The following THEM4 variants were observed in gnomAD, a reference collection of about 807,000 sequenced individuals.
The protein encoded by THEM4 is thioesterase superfamily member 4, also known as acyl-coenzyme A thioesterase THEM4.
Under a neutral mutation model 25.0 loss-of-function variants are expected in THEM4, and 22 were observed. That is an observed-to-expected ratio of 0.88 (90% CI 0.63 to 1.26). The LOEUF is 1.26. THEM4 is among the 50% of genes most tolerant of loss of function. The pLI is 0.00. For missense variants in THEM4, 286 were observed against 300.3 expected, an observed-to-expected ratio of 0.95 and a Z score of 0.35; for synonymous variants, 113 against 105.6, an observed-to-expected ratio of 1.07 and a Z score of -0.43.
At chr1:151,883,036 C>CTTA (rs1653880271) in intron 4 of THEM4, among the ~76,000 whole-genome samples, 3 of 126,654 alleles carry the variant, frequency 2.4e-5, no homozygotes, top group Admixed American at 9.2e-5. Context: ...CAAGGCACGT[C>CTTA]TTACATGGTG....
At chr1:151,885,970 TTAATA>T (rs1410165561) in intron 4 of THEM4, among the ~76,000 whole-genome samples, 2 of 152,200 alleles carry the variant, frequency 1.3e-5, no homozygotes, top group African/African-American at 4.8e-5. Flanking sequence ...CATATTAAAT[TTAATA>T]TTATTACTAT....
chr1:151,883,690 A>G (rs1184404990), intron 4 of THEM4, among the ~76,000 whole-genome samples: 1 of 150,496 alleles, frequency 6.6e-6, no homozygotes, highest in Non-Finnish European at 1.5e-5. Flanking sequence ...GCTGGAGTGC[A>G]GTGGCATGAT....
chr1:151,906,539 G>A (rs558061943), intron 1 of THEM4, among the ~76,000 whole-genome samples: 2 of 152,346 alleles, frequency 1.3e-5, no homozygotes, highest in East Asian at 1.9e-4. Flanking sequence ...GCGTGGGACT[G>A]GCAGGCAGTT....
At chr1:151,891,270 T>A (rs1051743068) in intron 2 of THEM4, 4 of 152,202 alleles carry the variant, frequency 2.6e-5, no homozygotes, top group African/African-American at 9.7e-5. Flanking sequence ...TGGAATAACA[T>A]GATGAGATTT....
chr1:151,884,146 G>T (rs1195553248), intron 4 of THEM4, among the ~76,000 whole-genome samples: 1 of 151,490 alleles, frequency 6.6e-6, no homozygotes, highest in African/African-American at 2.4e-5. Flanking sequence ...GAATGTGTTG[G>T]CTACAAATTA....
intron 4 of THEM4, among the ~76,000 whole-genome samples, chr1:151,884,110 TAAAG>T (rs1215741838): frequency 7.0e-6 from 1 of 142,992 alleles, no homozygotes; most frequent in Non-Finnish European, 1.5e-5. Flanking sequence ...AATAAATAAA[TAAAG>T]GAAGGAAGGA....
chr1:151,895,318 T>C (rs1654200106), intron 1 of THEM4, 124 bp from the exon 2 acceptor site: 1 of 845,070 alleles, frequency 1.2e-6, no homozygotes. Flanking sequence ...CACTTCAAAA[T>C]GGAAGGGAAT....
intron 2 of THEM4, chr1:151,890,351 G>A (rs1654070462): frequency 3.7e-6 from 1 of 267,970 alleles, no homozygotes; most frequent in Non-Finnish European, 8.0e-6. Context: ...TCAAAATATA[G>A]GTCACTTCAA....
At chr1:151,896,298 G>C (rs948332436) in intron 1 of THEM4, among the ~76,000 whole-genome samples, 1 of 152,030 alleles carries the variant, frequency 6.6e-6, no homozygotes, top group South Asian at 2.1e-4. Flanking sequence ...CCGGCTGACT[G>C]TAAGTTTTCT....
At chr1:151,890,331 C>T in intron 2 of THEM4, 1 of 326,440 alleles carries the variant, frequency 3.1e-6, no homozygotes, top group Non-Finnish European at 6.5e-6. Context: ...GTTGGGGGAA[C>T]TGGATTGAAT....
At chr1:151,886,888 T>A (rs372844223) in intron 4 of THEM4, among the ~76,000 whole-genome samples, 8 of 152,200 alleles carry the variant, frequency 5.3e-5, no homozygotes, top group African/African-American at 1.9e-4. Context: ...TTCTACATGG[T>A]ACTAGAAGTC....
chr1:151,903,384 T>A (rs1267719249), intron 1 of THEM4, among the ~76,000 whole-genome samples: 1 of 152,228 alleles, frequency 6.6e-6, no homozygotes, highest in Admixed American at 6.5e-5. Flanking sequence ...TTGAAATTAT[T>A]TAGTGTTCAC....
chr1:151,888,720 C>T (rs1464764615), intron 3 of THEM4, among the ~76,000 whole-genome samples: 2 of 152,014 alleles, frequency 1.3e-5, no homozygotes, highest in South Asian at 2.1e-4. Context: ...TCTGGCTACT[C>T]GGGAGACTGA....
chr1:151,898,748 C>T (rs1654278335), intron 1 of THEM4, among the ~76,000 whole-genome samples: 1 of 152,226 alleles, frequency 6.6e-6, no homozygotes, highest in African/African-American at 2.4e-5. Context: ...ATAGACAGCT[C>T]ACATCACAGG....
intron 2 of THEM4, 125 bp from the exon 3 acceptor site, chr1:151,889,498 T>A: frequency 1.0e-6 from 1 of 997,050 alleles, no homozygotes; most frequent in Non-Finnish European, 1.5e-6. Flanking sequence ...GTCCACAGGG[T>A]GCAAAATTGA....
intron 1 of THEM4, among the ~76,000 whole-genome samples, chr1:151,898,289 G>C (rs895896755): frequency 1.3e-5 from 2 of 152,120 alleles, no homozygotes; most frequent in Non-Finnish European, 2.9e-5. Context: ...TTGCATGGGA[G>C]CTGGGTGAGG....
chr1:151,889,411 G>T (rs896857987), intron 2 of THEM4, 38 bp from the exon 3 acceptor site: 2 of 1,601,118 alleles, frequency 1.2e-6, no homozygotes, highest in African/African-American at 2.7e-5. Context: ...GAGAAACAAG[G>T]GTGAGAGAAA....
intron 1 of THEM4, among the ~76,000 whole-genome samples, chr1:151,899,988 T>C (rs1654317273): frequency 6.6e-6 from 1 of 152,208 alleles, no homozygotes; most frequent in Admixed American, 6.5e-5. Flanking sequence ...CAGAAGGGAT[T>C]GGGGCCCTAT....
At chr1:151,898,769 G>A (rs1654278660) in intron 1 of THEM4, among the ~76,000 whole-genome samples, 1 of 152,252 alleles carries the variant, frequency 6.6e-6, no homozygotes, top group African/African-American at 2.4e-5. Flanking sequence ...ACTCTGTGCA[G>A]ACAACTCCTA....
Sources: allele counts gnomAD v4.1 joint callset (sites outside exome capture counted in the v4.1 genomes callset), GRCh38; gene constraint gnomAD v4.1.1; transcripts MANE v1.5; gene names NCBI Gene and HGNC (gene_info 2026-07-23, HGNC 2026-07-21).